The following SGCZ variants were observed in gnomAD, a reference collection of about 807,000 sequenced individuals.
The protein encoded by SGCZ is zeta-sarcoglycan.
Under a neutral mutation model 41.3 loss-of-function variants are expected in SGCZ, and 40 were observed. The observed-to-expected ratio is 0.97, with a 90% CI of 0.75 to 1.26. The LOEUF is 1.26. Among genes scored for constraint, SGCZ ranks in the 50% most tolerant of loss-of-function variants. SGCZ has a pLI of 0.00. For synonymous variants in SGCZ, 206 were observed against 137.5 expected (o/e 1.50, Z -3.49); for missense variants, 552 against 369.8 (o/e 1.49, Z -4.04).
chr8:14,769,661 A>G (rs1800163960), intron 1 of SGCZ, among the ~76,000 whole-genome samples: 1 of 151,970 alleles, frequency 6.6e-6, no homozygotes, highest in Non-Finnish European at 1.5e-5. Context: ...GCATGGTGGC[A>G]TGAGCCTGTA....
At chr8:14,664,408 CTT>C (rs1175485860) in intron 1 of SGCZ, among the ~76,000 whole-genome samples, 1 of 152,088 alleles carries the variant, frequency 6.6e-6, no homozygotes, top group East Asian at 1.9e-4. Flanking sequence ...AGAAGTGTGT[CTT>C]TAAAATGAAA....
At chr8:14,806,697 G>T (rs570426319) in intron 1 of SGCZ, among the ~76,000 whole-genome samples, 169 of 152,168 alleles carry the variant, frequency 1.1e-3, no homozygotes, top group Middle Eastern at 3.4e-3. Flanking sequence ...TTACAATCAA[G>T]AGAAAAAGAG....
At chr8:15,209,807 G>A (rs775713204) in intron 1 of SGCZ, among the ~76,000 whole-genome samples, 13 of 152,028 alleles carry the variant, frequency 8.6e-5, no homozygotes, top group African/African-American at 1.2e-4. Flanking sequence ...ATACTCTAGC[G>A]TAGGCTGTAC....
In SGCZ at chr8:14,205,451, T is replaced by C. The variant is rs1387122020; in HGVS notation, c.424+32141A>G. Among the ~76,000 whole-genome samples the C allele has an allele frequency of 2.0e-5, 3 of 152,214 alleles. No individual in the cohort carries two copies. In the East Asian group the frequency reaches 5.8e-4, roughly 29 times the overall value. ...AGAGGTTATGTAAGAAATGTCCAATTGATACATGTTTCAGTTTTTTTATTT... is the reference window on the plus strand; with the variant it reads ...AGAGGTTATGTAAGAAATGTCCAATCGATACATGTTTCAGTTTTTTTATTT... On this transcript the variant is annotated intron_variant, in intron 4 of 7. Coordinates refer to ENST00000382080, the MANE Select transcript of SGCZ (RefSeq NM_139167.4).
Position 14,397,513 on chromosome 8 carries a change from C to A in SGCZ, c.235-73309G>T, listed in dbSNP as rs7816387. On this transcript the variant is annotated intron_variant, in intron 2 of 7. Coordinates refer to ENST00000382080, the MANE Select transcript of SGCZ (RefSeq NM_139167.4). ...TCCAAGTTACATTTTATGTGAAAGA[C>A]GGAAGTAACTCCCTGTTCCACTGTA... Among the ~76,000 whole-genome samples, 7 of 151,968 alleles carry A rather than the reference C, an allele frequency of 4.6e-5. No individual in the cohort carries two copies. In the East Asian group the frequency reaches 1.4e-3, roughly 29 times the overall value.
intron 1 of SGCZ, among the ~76,000 whole-genome samples, chr8:15,176,778 G>A (rs1011848685): frequency 2.6e-5 from 4 of 152,170 alleles, no homozygotes; most frequent in East Asian, 1.9e-4. Context: ...GAGGTGGGCG[G>A]ATCACAAGGT....
intron 2 of SGCZ, among the ~76,000 whole-genome samples, chr8:14,360,296 C>A: frequency 6.6e-6 from 1 of 151,386 alleles, no homozygotes; most frequent in Admixed American, 6.6e-5. Flanking sequence ...AAAGGGCATC[C>A]AAATTGGAAA....
Position 14,090,564 on chromosome 8 carries a change from G to A in SGCZ, c.818C>T (p.Ser273Phe). ...ATACACTGTCTGTCGAGAACTTGAG[G>A]AGCTGGGTGAAGAAGATGAGAAGGA... ...TGSFSSSSPS[S>F]SSSRQTVYEL... The change falls in exon 8 of 8, where the codon TCC becomes TTC. Residue 273 changes from serine (S) to phenylalanine (F), a missense_variant. Transcript: ENST00000382080. 2 of 1,613,044 alleles carry A rather than the reference G, an allele frequency of 1.2e-6. No homozygotes were observed. The highest frequency in any genetic ancestry group is 1.7e-6 in the Non-Finnish European group (2 of 1,179,452).
chr8:14,214,656 G>A (rs1165489086), intron 4 of SGCZ, among the ~76,000 whole-genome samples: 1 of 151,770 alleles, frequency 6.6e-6, no homozygotes, highest in East Asian at 1.9e-4. Context: ...AACAATATAG[G>A]TATATTGAAA....
intron 1 of SGCZ, among the ~76,000 whole-genome samples, chr8:14,771,305 CT>C (rs1358802034): frequency 6.6e-6 from 1 of 152,030 alleles, no homozygotes; most frequent in African/African-American, 2.4e-5. Flanking sequence ...TGGATTGTTT[CT>C]TTTAAAACTC....
At chr8:14,287,709 C>T (rs1160738) in intron 3 of SGCZ, among the ~76,000 whole-genome samples, 32,441 of 151,850 alleles carry the variant, frequency 0.21, 3,657 homozygotes, top group East Asian at 0.3. Flanking sequence ...TCTTCAGGTT[C>T]CCCCATTATC....
At chr8:14,317,362 T>C (rs1232376703) in intron 3 of SGCZ, among the ~76,000 whole-genome samples, 2 of 151,922 alleles carry the variant, frequency 1.3e-5, no homozygotes, top group Non-Finnish European at 2.9e-5. Flanking sequence ...AAGTTACAAG[T>C]GCCAAGATTT....
chr8:14,876,984 T>C (rs1281354095), intron 1 of SGCZ, among the ~76,000 whole-genome samples: 1 of 152,148 alleles, frequency 6.6e-6, no homozygotes, highest in Non-Finnish European at 1.5e-5. Flanking sequence ...ATTTTTATTT[T>C]TTTATTTTGA....
intron 1 of SGCZ, among the ~76,000 whole-genome samples, chr8:14,713,142 C>T (rs12681041): frequency 0.55 from 83,353 of 151,930 alleles, 23,377 homozygotes; most frequent in East Asian, 0.77. Flanking sequence ...ACTAATGAAA[C>T]CTCTAAGTGT....
chr8:14,774,071 T>A (rs535561529), intron 1 of SGCZ, among the ~76,000 whole-genome samples: 1 of 152,056 alleles, frequency 6.6e-6, no homozygotes, highest in African/African-American at 2.4e-5. Context: ...GCACGGGTGT[T>A]TTTCGTTGAG....
At chr8:14,643,218 A>T (rs1374719251) in intron 1 of SGCZ, among the ~76,000 whole-genome samples, 1 of 151,414 alleles carries the variant, frequency 6.6e-6, no homozygotes, top group Non-Finnish European at 1.5e-5. Context: ...TAGGAAGTCA[A>T]CTCCACCTTT....
At chr8:14,254,496 A>T (rs1470335919) in intron 3 of SGCZ, among the ~76,000 whole-genome samples, 1 of 152,208 alleles carries the variant, frequency 6.6e-6, no homozygotes, top group African/African-American at 2.4e-5. Flanking sequence ...AAAATAAGTG[A>T]AGCAGTAAAT....
At chr8:14,749,583 G>A (rs1275962312) in intron 1 of SGCZ, among the ~76,000 whole-genome samples, 2 of 152,108 alleles carry the variant, frequency 1.3e-5, no homozygotes, top group Non-Finnish European at 2.9e-5. Flanking sequence ...GTTGATGATA[G>A]TGGTCTATTC....
chr8:14,098,999 G>T (rs1454317382), intron 7 of SGCZ, among the ~76,000 whole-genome samples: 1 of 152,128 alleles, frequency 6.6e-6, no homozygotes, highest in Non-Finnish European at 1.5e-5. Flanking sequence ...AAGTTTCTGA[G>T]ATCCAAACCA....
Sources: gnomAD v4.1 joint callset for allele counts (sites outside exome capture counted in the v4.1 genomes callset) on GRCh38, gnomAD v4.1.1 for gene constraint, MANE v1.5 for transcripts, NCBI Gene and HGNC (gene_info 2026-07-23, HGNC 2026-07-21) for gene names.